Variants in AVEN observed in about 807,000 individuals in gnomAD.
The protein encoded by AVEN is cell death regulator Aven.
A neutral mutation model predicts 38.1 loss-of-function variants in AVEN; 41 were observed. The ratio of observed to expected loss-of-function variants is 1.08; its 90% confidence interval spans 0.84 to 1.40. The LOEUF is 1.40. AVEN is among the 40% of genes most tolerant of loss of function. The probability of loss-of-function intolerance (pLI) is 0.00; values close to 1 mark genes in which losing one functional copy is unlikely to be tolerated. For synonymous variants in AVEN, 206 were observed against 171.8 expected (o/e 1.20, Z -1.56); for missense variants, 605 against 438.8 (o/e 1.38, Z -3.38).
chr15:33,921,067 C>T (rs755499272), intron 2 of AVEN, among the ~76,000 whole-genome samples: 5 of 152,222 alleles, frequency 3.3e-5, no homozygotes, highest in Non-Finnish European at 5.9e-5. Context: ...TGAGCTACCG[C>T]ACCTGGCCCT....
At chr15:33,967,969 T>A (rs676281) in intron 2 of AVEN, among the ~76,000 whole-genome samples, 115,056 of 150,058 alleles carry the variant, frequency 0.77, 51,503 homozygotes, top group Non-Finnish European at 0.97. Flanking sequence ...TTTTCTCTGC[T>A]ACAAATATTT....
chr15:33,880,923 C>T (rs1236446755), intron 2 of AVEN, among the ~76,000 whole-genome samples: 1 of 151,970 alleles, frequency 6.6e-6, no homozygotes, highest in Non-Finnish European at 1.5e-5. Context: ...AAATAAAATA[C>T]ACATAAAGAA....
chr15:33,956,024 C>T (rs966437020), intron 2 of AVEN, among the ~76,000 whole-genome samples: 2 of 152,054 alleles, frequency 1.3e-5, no homozygotes, highest in Admixed American at 6.5e-5. Flanking sequence ...TTAATGCTTC[C>T]TTAAATGGAA....
At chr15:34,064,571 A>T in intron 4 of AVEN, 1 of 527,228 alleles carries the variant, frequency 1.9e-6, no homozygotes, top group South Asian at 2.4e-5. Context: ...GTAAAGGGAT[A>T]GGCTCATGGC....
chr15:34,074,684 G>C (rs1376008219), exon 1 of AVEN, among the ~76,000 whole-genome samples: 1 of 152,060 alleles, frequency 6.6e-6, no homozygotes, highest in Non-Finnish European at 1.5e-5. Flanking sequence ...AGGGTCCACC[G>C]TAATGACTTC....
chr15:33,854,009 T>C (rs1047258838), downstream of AVEN, among the ~76,000 whole-genome samples: 2 of 151,934 alleles, frequency 1.3e-5, no homozygotes, highest in Middle Eastern at 3.2e-3. Context: ...CTGGCCAACA[T>C]AGTGAAACCC....
intron 2 of AVEN, among the ~76,000 whole-genome samples, chr15:33,888,418 A>C (rs756585167): frequency 2.6e-5 from 4 of 152,194 alleles, no homozygotes; most frequent in Admixed American, 6.5e-5. Context: ...AGAGCTGCCC[A>C]GGCAAAAAGC....
intron 2 of AVEN, among the ~76,000 whole-genome samples, chr15:33,894,542 C>T (rs895596468): frequency 1.4e-5 from 2 of 145,064 alleles, no homozygotes; most frequent in Admixed American, 7.0e-5. Context: ...AATCATCGGC[C>T]GGGCACAGTG....
chr15:33,920,907 C>G (rs1893370491), intron 2 of AVEN, among the ~76,000 whole-genome samples: 2 of 152,106 alleles, frequency 1.3e-5, no homozygotes, highest in African/African-American at 4.8e-5. Context: ...CCCCAAGCAG[C>G]TGGGACCACA....
chr15:33,870,934 C>T lies in AVEN; in HGVS notation c.612+1G>A, dbSNP rs2153034577. On this transcript the variant is annotated splice_donor_variant, in intron 4 of 5. Transcript: ENST00000306730. LOFTEE classifies it high-confidence loss of function. ...CTTCAAGAGGGCTTCGGGATTTTTA[C>T]CTGGACCAGTTCGGCAGCAACGTTG... The T allele has an allele frequency of 6.2e-7, 1 of 1,610,280 alleles. No homozygotes were observed. The highest frequency in any genetic ancestry group is 1.1e-5 in the South Asian group (1 of 90,542).
At position 33,867,507 on chromosome 15, in the gene AVEN, G is replaced by C; in HGVS notation, c.961C>G (p.Gln321Glu). The C allele has an allele frequency of 1.3e-6, 2 of 1,576,940 alleles. No homozygotes were observed. Among genetic ancestry groups the C allele is most frequent in the Middle Eastern group, 1.7e-4 (1 of 5,862 alleles). ...ATGAAAGCCATACCTTCTTCCTCTT[G>C]GACCACCTCCCCATCTTCCTTGGAT... ...LKSKEDGEVV[Q>E]EEEVCAKPSV... The change falls in exon 5 of 6, where the codon CAA (glutamine) becomes GAA (glutamate). Residue 321 changes from glutamine (Q) to glutamate (E), a missense_variant. By Grantham distance (29) the Gln-to-Glu change is conservative. Transcript: ENST00000306730.
intron 2 of AVEN, among the ~76,000 whole-genome samples, chr15:33,975,686 C>T (rs915046610): frequency 6.6e-6 from 1 of 152,178 alleles, no homozygotes; most frequent in Non-Finnish European, 1.5e-5. Context: ...AATCCCAGCA[C>T]TTTGGGAGGC....
chr15:34,069,901 TGA>T (rs1185906785), intron 2 of AVEN, among the ~76,000 whole-genome samples: 1 of 152,232 alleles, frequency 6.6e-6, no homozygotes, highest in Non-Finnish European at 1.5e-5. Flanking sequence ...CAAAACGATA[TGA>T]GAAGATACAC....
chr15:33,957,723 G>A lies in AVEN; in HGVS notation c.445+45309C>T, dbSNP rs1422840362. On this transcript the variant is annotated intron_variant, in intron 2 of 5. Transcript: ENST00000306730. Reference sequence around the variant, plus strand: ...GAATCTCAAAATCATTATATTGTATGAAAAAAAAAAAAGCCAGACATAAGC... The same window carrying A: ...GAATCTCAAAATCATTATATTGTATAAAAAAAAAAAAAGCCAGACATAAGC... Among the ~76,000 whole-genome samples the A allele has an allele frequency of 3.9e-3, 554 of 142,664 alleles. 2 individuals carry two copies. The highest frequency in any genetic ancestry group is 0.013 in the African/African-American group (528 of 39,458). 93.6% of individuals were successfully genotyped at this position (142,664 alleles called of 152,430 possible). A position where few individuals can be genotyped will look rare whatever the true frequency, so the allele number is the denominator to read the frequency against.
intron 1 of AVEN, among the ~76,000 whole-genome samples, chr15:34,036,077 C>G (rs1054827002): frequency 6.6e-6 from 1 of 151,374 alleles, no homozygotes; most frequent in Non-Finnish European, 1.5e-5. Flanking sequence ...ATTACAAGCG[C>G]GAGCCACCAC....
chr15:33,853,726 A>C, the AVEN span: 1 of 1,590,664 alleles, frequency 6.3e-7, no homozygotes, highest in Non-Finnish European at 8.6e-7. Flanking sequence ...GCTAAAATAG[A>C]TAGATCTTTG....
chr15:34,020,453 A>G (rs1029587987), intron 1 of AVEN, among the ~76,000 whole-genome samples: 1 of 152,208 alleles, frequency 6.6e-6, no homozygotes. Flanking sequence ...AAACAATACT[A>G]TTTCTCTTAA....
chr15:33,978,223 C>A (rs192456262), intron 2 of AVEN, among the ~76,000 whole-genome samples: 1 of 152,130 alleles, frequency 6.6e-6, no homozygotes, highest in African/African-American at 2.4e-5. Flanking sequence ...CAAAGTGACA[C>A]GTATTACTAA....
chr15:33,992,627 G>A (rs563260736), intron 2 of AVEN, among the ~76,000 whole-genome samples: 37 of 151,452 alleles, frequency 2.4e-4, no homozygotes, highest in East Asian at 7.8e-4. Context: ...TTTGTAATAT[G>A]AGACTATATT....
Sources: allele counts gnomAD v4.1 joint callset (sites outside exome capture counted in the v4.1 genomes callset), GRCh38; gene constraint gnomAD v4.1.1; transcripts MANE v1.5; gene names NCBI Gene and HGNC (gene_info 2026-07-23, HGNC 2026-07-21).